The following F13A1 variants were observed in gnomAD, a reference collection of about 807,000 sequenced individuals.
F13A1 encodes the protein coagulation factor XIII A chain.
Under a neutral mutation model 80.1 loss-of-function variants are expected in F13A1, and 47 were observed. That is an observed-to-expected ratio of 0.59 (90% CI 0.46 to 0.75). The LOEUF (loss-of-function observed/expected upper bound fraction) is 0.75. Ranked by LOEUF, F13A1 falls within the 30% of genes least tolerant of loss-of-function variation. F13A1 has a pLI of 0.00. For synonymous variants in F13A1, 349 were observed against 344.9 expected (o/e 1.01, Z -0.13); for missense variants, 817 against 930.4 (o/e 0.88, Z 1.59).
chr6:6,205,192 G>T (rs1172683813), intron 8 of F13A1, among the ~76,000 whole-genome samples: 1 of 152,240 alleles, frequency 6.6e-6, no homozygotes, highest in African/African-American at 2.4e-5. Flanking sequence ...GTCTCACTGA[G>T]AAGTCACGTG....
chr6:6,305,857 G>T (rs139799126), intron 2 of F13A1, among the ~76,000 whole-genome samples: 1 of 152,300 alleles, frequency 6.6e-6, no homozygotes, highest in East Asian at 1.9e-4. Context: ...GAAGTCTTCA[G>T]GTTCTCAGTC....
chr6:6,168,578 CCA>C (rs1014477743), intron 12 of F13A1, among the ~76,000 whole-genome samples: 1 of 152,228 alleles, frequency 6.6e-6, no homozygotes, highest in African/African-American at 2.4e-5. Context: ...CCATCCCCAG[CCA>C]CAGAGAACAG....
chr6:6,188,197 GA>G (rs1300861318), intron 10 of F13A1, among the ~76,000 whole-genome samples: 6 of 152,082 alleles, frequency 3.9e-5, no homozygotes, highest in Admixed American at 6.5e-5. Context: ...CTAATTTTTT[GA>G]AGGGTTTTTT....
rs1289478936 is a variant in F13A1, at chr6:6,151,821, C to T, written c.2037G>A (p.Lys679=). Residue 679 remains lysine, a synonymous_variant, in exon 14 of 15, where the codon AAG becomes AAA. Transcript: ENST00000264870. The part of the protein sequence containing the change: ...DGPGVTRPMK[K]MFREIRPNST... ...CCCAACCCAAGGTTTACCGGAACATCTTCTTCATTGGTCTTGTTACTCCAG... is the reference window on the plus strand; with the variant it reads ...CCCAACCCAAGGTTTACCGGAACATTTTCTTCATTGGTCTTGTTACTCCAG... 3 of 1,614,088 alleles carry T rather than the reference C, an allele frequency of 1.9e-6. No individual in the cohort carries two copies. Among genetic ancestry groups the T allele is most frequent in the Admixed American group, 3.3e-5 (2 of 60,018 alleles).
At chr6:6,201,879 G>T (rs910835317) in intron 8 of F13A1, among the ~76,000 whole-genome samples, 4 of 151,968 alleles carry the variant, frequency 2.6e-5, no homozygotes, top group African/African-American at 7.3e-5. Flanking sequence ...CGTGTCAGAG[G>T]ATCTAATTTT....
At chr6:6,154,614 G>A (rs1216053997) in intron 13 of F13A1, among the ~76,000 whole-genome samples, 1 of 152,212 alleles carries the variant, frequency 6.6e-6, no homozygotes, top group Non-Finnish European at 1.5e-5. Context: ...CACTGGTATA[G>A]ACAAAACATG....
chr6:6,197,416 A>T lies in F13A1; in HGVS notation c.1113-90T>A, dbSNP rs186792034. 5.5e-4 allele frequency: 690 copies of T among 1,246,490 alleles called. 1 individual carries two copies. The African/African-American group carries it at 8.3e-3, about 15-fold the overall frequency. The allele number at this position is 1,246,490 out of a possible 1,614,324, so 77.2% of individuals were successfully genotyped here. A position where few individuals can be genotyped will look rare whatever the true frequency, so the allele number is the denominator to read the frequency against. On this transcript the variant is annotated intron_variant, in intron 8 of 14. Coordinates refer to ENST00000264870, the MANE Select transcript of F13A1 (RefSeq NM_000129.4). ...AAGTGACGGCCAGGCACAGTGGCTCATGCCTGTAATCCCAGCAATTTGGGA... is the reference window on the plus strand; with the variant it reads ...AAGTGACGGCCAGGCACAGTGGCTCTTGCCTGTAATCCCAGCAATTTGGGA...
intron 11 of F13A1, among the ~76,000 whole-genome samples, chr6:6,175,836 T>C (rs562240439): frequency 1.1e-4 from 16 of 152,142 alleles, no homozygotes; most frequent in South Asian, 1.0e-3. Flanking sequence ...GTGGTGGAGA[T>C]GAAGGGAGGA....
intron 10 of F13A1, among the ~76,000 whole-genome samples, chr6:6,187,163 T>C (rs1416929953): frequency 7.8e-6 from 1 of 128,368 alleles, no homozygotes; most frequent in Non-Finnish European, 1.7e-5. Flanking sequence ...AATCATGTCA[T>C]CTGCAAACAG....
chr6:6,294,585 CACAT>C (rs1758289487), intron 3 of F13A1, among the ~76,000 whole-genome samples: 1 of 151,906 alleles, frequency 6.6e-6, no homozygotes, highest in Non-Finnish European at 1.5e-5. Context: ...CACACACACA[CACAT>C]ATATATATCC....
At chr6:6,206,256 A>G (rs923129836) in intron 8 of F13A1, among the ~76,000 whole-genome samples, 2 of 152,216 alleles carry the variant, frequency 1.3e-5, no homozygotes, top group South Asian at 4.1e-4. Flanking sequence ...ATTAATTACC[A>G]AAAGGAATTA....
chr6:6,145,827 C>G, intron 14 of F13A1, 55 bp from the exon 15 acceptor site: 1 of 1,612,664 alleles, frequency 6.2e-7, no homozygotes, highest in Non-Finnish European at 8.5e-7. Flanking sequence ...CCACTTTGAT[C>G]AGGAAGCAAT....
At chr6:6,200,279 C>T (rs1363101196) in intron 8 of F13A1, among the ~76,000 whole-genome samples, 4 of 152,048 alleles carry the variant, frequency 2.6e-5, no homozygotes, top group Non-Finnish European at 4.4e-5. Flanking sequence ...TTAAGAGTGA[C>T]TTAGAGGCTG....
chr6:6,204,734 A>C (rs1177496103), intron 8 of F13A1, among the ~76,000 whole-genome samples: 1 of 152,268 alleles, frequency 6.6e-6, no homozygotes, highest in Non-Finnish European at 1.5e-5. Flanking sequence ...TAATGAAGGA[A>C]GATGACAGAA....
intron 4 of F13A1, among the ~76,000 whole-genome samples, chr6:6,253,432 T>C (rs1757661911): frequency 1.3e-5 from 2 of 152,314 alleles, no homozygotes; most frequent in South Asian, 4.1e-4. Context: ...GCTGAGCATG[T>C]GATCATACAA....
At chr6:6,264,952 C>T (rs1393301637) in intron 4 of F13A1, among the ~76,000 whole-genome samples, 1 of 152,122 alleles carries the variant, frequency 6.6e-6, no homozygotes, top group East Asian at 1.9e-4. Context: ...TTTGCCAACA[C>T]TAGTGGAACA....
At chr6:6,239,186 G>GA (rs1757453464) in intron 6 of F13A1, among the ~76,000 whole-genome samples, 1 of 152,128 alleles carries the variant, frequency 6.6e-6, no homozygotes, top group Non-Finnish European at 1.5e-5. Flanking sequence ...GGAAAGCATT[G>GA]AAAACACATG....
intron 4 of F13A1, among the ~76,000 whole-genome samples, chr6:6,265,436 T>A (rs181709590): frequency 1.9e-4 from 29 of 152,296 alleles, no homozygotes; most frequent in African/African-American, 6.7e-4. Flanking sequence ...CCTCTGGAAC[T>A]TAAAACAGCT....
At chr6:6,193,562 C>A (rs1761238886) in intron 10 of F13A1, among the ~76,000 whole-genome samples, 1 of 152,218 alleles carries the variant, frequency 6.6e-6, no homozygotes, top group East Asian at 1.9e-4. Flanking sequence ...CATGCCAAAG[C>A]AACAAATTGT....
Sources: allele counts gnomAD v4.1 joint callset (sites outside exome capture counted in the v4.1 genomes callset), GRCh38; gene constraint gnomAD v4.1.1; transcripts MANE v1.5; gene names NCBI Gene and HGNC (gene_info 2026-07-23, HGNC 2026-07-21).